Variants in PDE3A observed in about 807,000 individuals in gnomAD.
The protein encoded by PDE3A is cGMP-inhibited 3',5'-cyclic phosphodiesterase 3A.
Under a neutral mutation model 98.3 loss-of-function variants are expected in PDE3A, and 43 were observed. That is an observed-to-expected ratio of 0.44 (90% CI 0.34 to 0.56). The LOEUF (loss-of-function observed/expected upper bound fraction) is 0.56. Among genes scored for constraint, PDE3A ranks in the 20% least tolerant of loss-of-function variants. The probability of loss-of-function intolerance (pLI) is 0.01; values close to 1 mark genes in which losing one functional copy is unlikely to be tolerated. For missense variants in PDE3A, 1,427 were observed against 1,440.7 expected, an observed-to-expected ratio of 0.99 and a Z score of 0.15; for synonymous variants, 663 against 567.9, an observed-to-expected ratio of 1.17 and a Z score of -2.38.
chr12:20,549,400 TAA>T (rs139027564), intron 1 of PDE3A, among the ~76,000 whole-genome samples: 89 of 136,118 alleles, frequency 6.5e-4, no homozygotes, highest in Non-Finnish European at 6.1e-4. Flanking sequence ...TTCTTTGCAT[TAA>T]AAAAAAAAAA....
chr12:20,521,058 G>A (rs765359873), intron 1 of PDE3A, among the ~76,000 whole-genome samples: 9 of 151,976 alleles, frequency 5.9e-5, no homozygotes, highest in Non-Finnish European at 1.3e-4. Context: ...TGTTGCAAGT[G>A]CCATTCGTTT....
intron 2 of PDE3A, among the ~76,000 whole-genome samples, chr12:20,597,579 T>C (rs1237916615): frequency 2.0e-5 from 3 of 152,274 alleles, no homozygotes; most frequent in Middle Eastern, 3.4e-3. Flanking sequence ...TTTTCAAAGT[T>C]TGGAAAAGAA....
At position 20,551,736 on chromosome 12, in the gene PDE3A, G is replaced by A; in HGVS notation, c.961-4924G>A. ...CTGAGTGCCGGAATGATGCCAGCGA[G>A]GTGGTACTGGCGGGAGAGCGGCTGA... On this transcript the variant is annotated intron_variant, in intron 1 of 15. Transcript: ENST00000359062. The A allele has an allele frequency of 1.9e-6, 3 of 1,613,942 alleles. No individual in the cohort carries two copies. The South Asian group carries it at 3.3e-5, about 18-fold the overall frequency.
chr12:20,559,325 T>C (rs2121279010), intron 2 of PDE3A, among the ~76,000 whole-genome samples: 1 of 152,072 alleles, frequency 6.6e-6, no homozygotes, highest in East Asian at 1.9e-4. Context: ...TACTCTATGA[T>C]GTTCCCACAA....
chr12:20,556,569 T>G (rs1942373435), intron 1 of PDE3A, 91 bp from the exon 2 acceptor site: 1 of 834,924 alleles, frequency 1.2e-6, no homozygotes, highest in Non-Finnish European at 2.0e-6. Context: ...TAATAAAGAT[T>G]GGAACAACCT....
At chr12:20,559,693 T>C (rs1274319318) in intron 2 of PDE3A, among the ~76,000 whole-genome samples, 1 of 151,452 alleles carries the variant, frequency 6.6e-6, no homozygotes, top group East Asian at 1.9e-4. Context: ...ACTGCATATA[T>C]ACAAAGTGAG....
intron 5 of PDE3A, among the ~76,000 whole-genome samples, chr12:20,624,603 T>C (rs4485157): frequency 0.99 from 151,526 of 152,294 alleles, 75,389 homozygotes; most frequent in East Asian, 1. Context: ...CATTTTGGAG[T>C]GGATTTTGCA....
intron 2 of PDE3A, among the ~76,000 whole-genome samples, chr12:20,599,410 C>CT (rs1322347671): frequency 2.0e-5 from 3 of 152,140 alleles, no homozygotes; most frequent in Admixed American, 6.5e-5. Flanking sequence ...CTAGCCAGCT[C>CT]TTTTTTATCC....
chr12:20,518,868 G>A (rs1177099842), intron 1 of PDE3A, among the ~76,000 whole-genome samples: 1 of 152,156 alleles, frequency 6.6e-6, no homozygotes, highest in African/African-American at 2.4e-5. Context: ...GTTGAATCTG[G>A]TAGCCACAGT....
intron 1 of PDE3A, among the ~76,000 whole-genome samples, chr12:20,399,884 C>T (rs938949534): frequency 2.0e-5 from 3 of 152,126 alleles, no homozygotes; most frequent in Admixed American, 2.0e-4. Context: ...TTGCTTTAAG[C>T]AATCATTTGT....
chr12:20,610,417 G>C (rs1370012198), intron 2 of PDE3A, among the ~76,000 whole-genome samples: 1 of 151,974 alleles, frequency 6.6e-6, no homozygotes, highest in African/African-American at 2.4e-5. Flanking sequence ...CAAGGGTGTA[G>C]AGAAAAGGGA....
chr12:20,595,010 G>T (rs1943431611), intron 2 of PDE3A, among the ~76,000 whole-genome samples: 1 of 151,894 alleles, frequency 6.6e-6, no homozygotes, highest in Admixed American at 6.6e-5. Flanking sequence ...AAATTATGCT[G>T]TATTAGAATA....
chr12:20,501,111 G>A (rs1222456312), intron 1 of PDE3A, among the ~76,000 whole-genome samples: 1 of 152,118 alleles, frequency 6.6e-6, no homozygotes, highest in Non-Finnish European at 1.5e-5. Flanking sequence ...AAGTATTACA[G>A]CTAAACAAGA....
chr12:20,517,491 G>A (rs1946344643), intron 1 of PDE3A, among the ~76,000 whole-genome samples: 1 of 152,112 alleles, frequency 6.6e-6, no homozygotes, highest in Admixed American at 6.5e-5. Flanking sequence ...GTTGTATAAT[G>A]GGCACCATGA....
chr12:20,572,224 G>A, intron 2 of PDE3A: 1 of 768,096 alleles, frequency 1.3e-6, no homozygotes, highest in Admixed American at 2.9e-5. Flanking sequence ...TTATATTAGA[G>A]AAGGACAGTT....
chr12:20,672,064 G>C (rs1169766228), intron 15 of PDE3A, among the ~76,000 whole-genome samples: 5 of 151,742 alleles, frequency 3.3e-5, no homozygotes. Context: ...CAGACAAATA[G>C]AGAGCCAAAT....
chr12:20,419,256 G>T (rs112300361), intron 1 of PDE3A, among the ~76,000 whole-genome samples: 2 of 151,432 alleles, frequency 1.3e-5, no homozygotes, highest in African/African-American at 4.8e-5. Flanking sequence ...CTTAAATGCC[G>T]TTTCTTTTTT....
chr12:20,459,787 C>A (rs753279977), intron 1 of PDE3A, among the ~76,000 whole-genome samples: 5 of 152,070 alleles, frequency 3.3e-5, no homozygotes, highest in Non-Finnish European at 5.9e-5. Flanking sequence ...AAATCAGAAC[C>A]TACTCTAATA....
chr12:20,591,757 C>G (rs949827064), intron 2 of PDE3A, among the ~76,000 whole-genome samples: 2 of 152,166 alleles, frequency 1.3e-5, no homozygotes, highest in Non-Finnish European at 1.5e-5. Context: ...TTTAACTTAT[C>G]TCATGAGAGG....
Sources: allele counts gnomAD v4.1 joint callset (sites outside exome capture counted in the v4.1 genomes callset), GRCh38; gene constraint gnomAD v4.1.1; transcripts MANE v1.5; gene names NCBI Gene and HGNC (gene_info 2026-07-23, HGNC 2026-07-21).